The following PAK3 variants were observed in gnomAD, a reference collection of about 807,000 sequenced individuals.
PAK3 encodes serine/threonine-protein kinase PAK 3.
PAK3 carries 4 observed loss-of-function variants against 41.0 expected under a neutral mutation model. That is an observed-to-expected ratio of 0.10 (90% CI 0.05 to 0.22). The LOEUF (loss-of-function observed/expected upper bound fraction) is 0.22. Among genes scored for constraint, PAK3 ranks in the 10% least tolerant of loss-of-function variants. The pLI, the probability that PAK3 is intolerant of heterozygous loss-of-function variation, is 1.00. For missense variants in PAK3, 205 were observed against 409.9 expected (o/e 0.50, Z 4.32); for synonymous variants, 146 against 139.6 (o/e 1.05, Z -0.32).
chrX:111,178,959 T>TTATA (rs1166414505), intron 11 of PAK3, among the ~76,000 whole-genome samples: 46 of 98,785 alleles, frequency 4.7e-4, no homozygotes, highest in African/African-American at 1.7e-3. Flanking sequence ...ATAAACTGTT[T>TTATA]TATATATATA....
chrX:111,101,149 T>C (rs1015309431), intron 3 of PAK3, among the ~76,000 whole-genome samples: 16 of 112,084 alleles, frequency 1.4e-4, no homozygotes, highest in African/African-American at 4.6e-4. Context: ...CACGATATGA[T>C]GCAGACTCAA....
intron 8 of PAK3, among the ~76,000 whole-genome samples, chrX:111,159,625 C>G (rs1156378623): frequency 9.0e-6 from 1 of 111,106 alleles, no homozygotes; most frequent in Non-Finnish European, 1.9e-5. Context: ...TCCCTGTGCC[C>G]CCTGAAATGC....
chrX:111,162,838 C>A, intron 8 of PAK3, 77 bp from the exon 9 acceptor site: 1 of 933,466 alleles, frequency 1.1e-6, no homozygotes, highest in Non-Finnish European at 1.6e-6. Context: ...TTAAATATTT[C>A]ATTTCCCTTG....
intron 4 of PAK3, among the ~76,000 whole-genome samples, chrX:111,112,911 A>G (rs962179155): frequency 8.9e-6 from 1 of 111,853 alleles, no homozygotes; most frequent in Non-Finnish European, 1.9e-5. Flanking sequence ...TCCTGCTTAT[A>G]TATGGATACA....
intron 11 of PAK3, among the ~76,000 whole-genome samples, chrX:111,187,722 G>A (rs752725301): frequency 9.0e-6 from 1 of 111,253 alleles, no homozygotes; most frequent in Non-Finnish European, 1.9e-5. Context: ...CTAAGACAGA[G>A]CTGGGGAAAA....
chrX:111,061,378 A>C (rs1461085141), intron 1 of PAK3, among the ~76,000 whole-genome samples: 1 of 111,955 alleles, frequency 8.9e-6, no homozygotes, highest in Non-Finnish European at 1.9e-5. Context: ...ATGTGAATAC[A>C]TTTTAATTAC....
intron 4 of PAK3, among the ~76,000 whole-genome samples, chrX:111,112,604 A>T (rs1056959214): frequency 9.0e-6 from 1 of 110,696 alleles, no homozygotes; most frequent in East Asian, 2.9e-4. Context: ...AAAGCATCCA[A>T]TGCCTACCTT....
chrX:111,200,730 A>G (rs961766519), intron 16 of PAK3, among the ~76,000 whole-genome samples: 2 of 111,980 alleles, frequency 1.8e-5, no homozygotes, highest in African/African-American at 6.5e-5. Flanking sequence ...GAGGCACTAA[A>G]TGGATTATGG....
intron 1 of PAK3, among the ~76,000 whole-genome samples, chrX:111,014,186 A>G (rs185123970): frequency 8.9e-6 from 1 of 112,075 alleles, no homozygotes; most frequent in Non-Finnish European, 1.9e-5. Context: ...TGGCAAAATT[A>G]TATTTCTAAA....
At chrX:111,067,813 A>T in intron 1 of PAK3, among the ~76,000 whole-genome samples, 1 of 110,732 alleles carries the variant, frequency 9.0e-6, no homozygotes, top group Non-Finnish European at 1.9e-5. Context: ...AAATAAGATT[A>T]GTCTATAATT....
intron 1 of PAK3, among the ~76,000 whole-genome samples, chrX:111,014,688 G>C (rs1450960299): frequency 9.0e-6 from 1 of 111,462 alleles, no homozygotes; most frequent in Non-Finnish European, 1.9e-5. Context: ...CTTTACCTTT[G>C]CACTGCTAAG....
At chrX:111,128,987 A>G (rs961636715) in intron 5 of PAK3, among the ~76,000 whole-genome samples, 1 of 111,354 alleles carries the variant, frequency 9.0e-6, no homozygotes, top group Non-Finnish European at 1.9e-5. Context: ...TTAAAGTACT[A>G]TATAGTTTTG....
At chrX:111,075,726 C>T (rs1276354839) in intron 1 of PAK3, among the ~76,000 whole-genome samples, 2 of 112,405 alleles carry the variant, frequency 1.8e-5, no homozygotes, top group African/African-American at 3.2e-5. Context: ...GCCCTCCATA[C>T]ACAAGAATAG....
At chrX:111,036,679 C>A (rs968717679) in intron 1 of PAK3, among the ~76,000 whole-genome samples, 2 of 112,034 alleles carry the variant, frequency 1.8e-5, no homozygotes, top group Admixed American at 9.4e-5. Flanking sequence ...TAGCTTATTA[C>A]CAATTTCTTT....
At chrX:111,000,912 T>C (rs776680128) in intron 1 of PAK3, among the ~76,000 whole-genome samples, 95 of 111,571 alleles carry the variant, frequency 8.5e-4, no homozygotes, top group African/African-American at 3.0e-3. Flanking sequence ...ATGGATGTTA[T>C]GGAGACAAAG....
intron 1 of PAK3, among the ~76,000 whole-genome samples, chrX:110,967,291 A>G (rs765201349): frequency 4.4e-5 from 5 of 113,090 alleles, no homozygotes; most frequent in South Asian, 3.7e-4. Context: ...AACAGGAAAC[A>G]GAAGGATAGT....
At chrX:111,160,617 TC>T (rs1170079719) in intron 8 of PAK3, among the ~76,000 whole-genome samples, 2 of 104,955 alleles carry the variant, frequency 1.9e-5, no homozygotes, top group East Asian at 3.1e-4. Context: ...CCCTCCCCGC[TC>T]CCCCCACCCC....
chrX:111,043,585 T>C (rs1250711791), intron 1 of PAK3, among the ~76,000 whole-genome samples: 1 of 112,078 alleles, frequency 8.9e-6, no homozygotes, highest in Non-Finnish European at 1.9e-5. Context: ...CTATTTGTAG[T>C]AGTGATTTGA....
At chrX:111,152,319 T>C in intron 7 of PAK3, 91 bp from the exon 8 acceptor site, 1 of 607,048 alleles carries the variant, frequency 1.6e-6, no homozygotes, top group Non-Finnish European at 2.8e-6. Flanking sequence ...GTTGAAATCA[T>C]GCAGTTTTTT....
Sources: allele counts gnomAD v4.1 joint callset (sites outside exome capture counted in the v4.1 genomes callset), GRCh38; gene constraint gnomAD v4.1.1; transcripts MANE v1.5; gene names NCBI Gene and HGNC (gene_info 2026-07-23, HGNC 2026-07-21).